The following NRXN3 variants were observed in gnomAD, a reference collection of about 807,000 sequenced individuals.
The protein encoded by NRXN3 is neurexin 3.
NRXN3 carries 32 observed loss-of-function variants against 137.6 expected under a neutral mutation model. The ratio of observed to expected loss-of-function variants is 0.23; its 90% CI spans 0.18 to 0.31. The LOEUF (loss-of-function observed/expected upper bound fraction) is 0.31, where lower values mean the gene tolerates loss of function less well. NRXN3 is among the 10% of genes least tolerant of loss of function. NRXN3 has a pLI of 1.00. For synonymous variants in NRXN3, 798 were observed against 784.5 expected (o/e 1.02, Z -0.29); for missense variants, 1,574 against 2,062.5 (o/e 0.76, Z 4.59).
At chr14:78,472,186 G>A (rs553790464) in intron 4 of NRXN3, among the ~76,000 whole-genome samples, 57 of 152,262 alleles carry the variant, frequency 3.7e-4, no homozygotes, top group Middle Eastern at 3.4e-3. Flanking sequence ...CCACTATTAT[G>A]GCCAGATGAA....
At chr14:79,058,680 T>A (rs2099669453) in intron 15 of NRXN3, among the ~76,000 whole-genome samples, 1 of 152,098 alleles carries the variant, frequency 6.6e-6, no homozygotes, top group South Asian at 2.1e-4. Flanking sequence ...CCCACCCAAA[T>A]CTCATCTCAA....
intron 4 of NRXN3, among the ~76,000 whole-genome samples, chr14:78,508,262 A>G (rs1034936844): frequency 1.3e-5 from 2 of 152,196 alleles, no homozygotes; most frequent in Admixed American, 6.5e-5. Flanking sequence ...TCCATTTAGA[A>G]TCTGGTGATG....
At chr14:79,190,643 G>A (rs531575336) in intron 15 of NRXN3, among the ~76,000 whole-genome samples, 14 of 152,156 alleles carry the variant, frequency 9.2e-5, no homozygotes, top group South Asian at 4.2e-4. Context: ...AAAAGAAGCC[G>A]TGTGTATGGC....
At chr14:79,062,556 A>G (rs2099675501) in intron 15 of NRXN3, among the ~76,000 whole-genome samples, 1 of 152,126 alleles carries the variant, frequency 6.6e-6, no homozygotes, top group Non-Finnish European at 1.5e-5. Flanking sequence ...GGAGGGAGAG[A>G]TCTACTCGTT....
chr14:79,103,400 A>G (rs1180786700), intron 15 of NRXN3, among the ~76,000 whole-genome samples: 1 of 152,092 alleles, frequency 6.6e-6, no homozygotes, highest in Non-Finnish European at 1.5e-5. Flanking sequence ...TGATTTGAGG[A>G]TGGTGCCATT....
intron 4 of NRXN3, among the ~76,000 whole-genome samples, chr14:78,628,521 T>G (rs1851005789): frequency 6.6e-6 from 1 of 152,228 alleles, no homozygotes; most frequent in Non-Finnish European, 1.5e-5. Context: ...AATAAAGGTT[T>G]GCTGAATGAA....
chr14:79,668,115 AC>A (rs1475294227), intron 17 of NRXN3, among the ~76,000 whole-genome samples: 1 of 152,028 alleles, frequency 6.6e-6, no homozygotes, highest in African/African-American at 2.4e-5. Flanking sequence ...TTTAAAATGC[AC>A]ACGGATGACC....
intron 4 of NRXN3, among the ~76,000 whole-genome samples, chr14:78,423,507 T>C (rs1249834323): frequency 1.3e-5 from 2 of 152,192 alleles, no homozygotes; most frequent in Non-Finnish European, 2.9e-5. Flanking sequence ...GCCTCATCAA[T>C]ACAGAATTTG....
intron 4 of NRXN3, among the ~76,000 whole-genome samples, chr14:78,319,115 C>G (rs1176387255): frequency 6.6e-6 from 1 of 152,180 alleles, no homozygotes; most frequent in East Asian, 1.9e-4. Context: ...TTCTTTCTCT[C>G]TAATAAGTCA....
intron 10 of NRXN3, among the ~76,000 whole-genome samples, chr14:78,953,858 A>G (rs2099391633): frequency 1.3e-5 from 2 of 152,190 alleles, no homozygotes; most frequent in Non-Finnish European, 2.9e-5. Flanking sequence ...TAACTTTCCT[A>G]GTTATTAAAA....
At chr14:79,040,557 GT>G (rs2099623469) in intron 15 of NRXN3, among the ~76,000 whole-genome samples, 1 of 152,122 alleles carries the variant, frequency 6.6e-6, no homozygotes, top group African/African-American at 2.4e-5. Context: ...AAAGTCTCTT[GT>G]TGTGAGGCAT....
chr14:78,926,642 A>C (rs1236917468), intron 10 of NRXN3, among the ~76,000 whole-genome samples: 1 of 95,652 alleles, frequency 1.0e-5, no homozygotes, highest in African/African-American at 3.7e-5. Flanking sequence ...ATATATATTT[A>C]TATATAATAT....
chr14:78,675,827 C>T (rs914266268), intron 6 of NRXN3, among the ~76,000 whole-genome samples: 54 of 152,120 alleles, frequency 3.5e-4, no homozygotes, highest in Admixed American at 4.6e-4. Context: ...GAAGTTTTGC[C>T]GCCACCTTGC....
chr14:78,784,537 T>A (rs1351114509), intron 8 of NRXN3, among the ~76,000 whole-genome samples: 3 of 152,152 alleles, frequency 2.0e-5, no homozygotes, highest in Non-Finnish European at 4.4e-5. Flanking sequence ...CATAAGATCA[T>A]CCTTTAGCAA....
intron 4 of NRXN3, among the ~76,000 whole-genome samples, chr14:78,450,052 G>A (rs557304400): frequency 2.0e-5 from 3 of 152,250 alleles, no homozygotes; most frequent in African/African-American, 2.4e-5. Flanking sequence ...TGAGGCATAT[G>A]GAAAGCTCAT....
At chr14:78,869,533 C>T (rs556804695) in intron 10 of NRXN3, among the ~76,000 whole-genome samples, 1 of 152,246 alleles carries the variant, frequency 6.6e-6, no homozygotes, top group Admixed American at 6.5e-5. Flanking sequence ...ATGAGCCATT[C>T]TGTGATGGTG....
chr14:79,259,619 TTATC>T (rs2077278909), intron 15 of NRXN3, among the ~76,000 whole-genome samples: 1 of 147,744 alleles, frequency 6.8e-6, no homozygotes, highest in South Asian at 2.1e-4. Context: ...ATATATATGG[TTATC>T]TATATAGCTA....
chr14:78,946,735 G>A (rs570980520), intron 10 of NRXN3, among the ~76,000 whole-genome samples: 1 of 152,268 alleles, frequency 6.6e-6, no homozygotes, highest in South Asian at 2.1e-4. Flanking sequence ...TTGCACAGAA[G>A]TATGAAGACA....
intron 4 of NRXN3, among the ~76,000 whole-genome samples, chr14:78,623,150 A>G (rs542101499): frequency 6.6e-6 from 1 of 152,332 alleles, no homozygotes; most frequent in East Asian, 1.9e-4. Context: ...AAGCCTGAGC[A>G]TTATTTCATC....
Sources: allele counts gnomAD v4.1 joint callset (sites outside exome capture counted in the v4.1 genomes callset), GRCh38; gene constraint gnomAD v4.1.1; transcripts MANE v1.5; gene names NCBI Gene and HGNC (gene_info 2026-07-23, HGNC 2026-07-21).